The following CPVL variants were observed in gnomAD, a reference collection of about 807,000 sequenced individuals.
CPVL encodes the protein carboxypeptidase vitellogenic like.
In CPVL, 51 loss-of-function variants were observed where a neutral mutation model predicts 63.7. That is an observed-to-expected ratio of 0.80 (90% CI 0.64 to 1.01). CPVL has a LOEUF of 1.01. Among genes scored for constraint, CPVL ranks in the 50% least tolerant of loss-of-function variants. The pLI is 0.00. For synonymous variants in CPVL, 195 were observed against 206.0 expected (o/e 0.95, Z 0.46); for missense variants, 530 against 573.1 (o/e 0.92, Z 0.77).
intron 2 of CPVL, among the ~76,000 whole-genome samples, chr7:29,118,975 T>C (rs1054467789): frequency 1.3e-5 from 2 of 152,154 alleles, no homozygotes; most frequent in Non-Finnish European, 2.9e-5. Flanking sequence ...TCCCCACTCA[T>C]CATTTCCATC....
intron 2 of CPVL, among the ~76,000 whole-genome samples, chr7:29,117,668 T>G (rs1788908417): frequency 6.6e-6 from 1 of 152,186 alleles, no homozygotes; most frequent in Admixed American, 6.5e-5. Context: ...TTTATGGCCC[T>G]AGGCAAGATA....
chr7:29,113,941 A>C (rs1025310144), intron 2 of CPVL, among the ~76,000 whole-genome samples: 3 of 152,176 alleles, frequency 2.0e-5, no homozygotes, highest in African/African-American at 7.2e-5. Flanking sequence ...CACTCAAGAA[A>C]AGCGATGTAA....
chr7:29,107,388 A>AT (rs1787821748), intron 3 of CPVL, among the ~76,000 whole-genome samples: 1 of 152,300 alleles, frequency 6.6e-6, no homozygotes, highest in East Asian at 1.9e-4. Context: ...GTTACTGGAT[A>AT]TTTTTATACT....
At chr7:29,082,701 T>C (rs1784852693) in intron 7 of CPVL, among the ~76,000 whole-genome samples, 1 of 152,208 alleles carries the variant, frequency 6.6e-6, no homozygotes, top group Admixed American at 6.5e-5. Context: ...GTATTCATCC[T>C]GGCAGCAAGG....
intron 1 of CPVL, among the ~76,000 whole-genome samples, chr7:29,133,208 CA>C (rs946939955): frequency 3.4e-5 from 5 of 144,960 alleles, no homozygotes; most frequent in African/African-American, 1.3e-4. Context: ...AAAAAAAAAA[CA>C]AAAAACGCTG....
intron 6 of CPVL, among the ~76,000 whole-genome samples, chr7:29,087,602 A>G (rs1018514549): frequency 6.6e-6 from 1 of 152,160 alleles, no homozygotes; most frequent in Admixed American, 6.5e-5. Context: ...CAGTAGCTCT[A>G]TGAGTGTTTT....
chr7:29,067,054 T>A (rs1584155040), intron 9 of CPVL, among the ~76,000 whole-genome samples: 1 of 152,070 alleles, frequency 6.6e-6, no homozygotes, highest in South Asian at 2.1e-4. Context: ...GGTAGTGAGG[T>A]TGCAGGGCTG....
intron 5 of CPVL, among the ~76,000 whole-genome samples, chr7:29,154,413 G>A (rs1794052566): frequency 1.3e-5 from 2 of 152,128 alleles, no homozygotes; most frequent in South Asian, 4.2e-4. Context: ...GTAGATTTTG[G>A]ATGTTCCTGC....
intron 1 of CPVL, among the ~76,000 whole-genome samples, chr7:29,141,277 C>A (rs1361374652): frequency 1.3e-5 from 2 of 152,226 alleles, no homozygotes; most frequent in Non-Finnish European, 2.9e-5. Context: ...TCAGACCGGG[C>A]ACGGTGGCTG....
At chr7:29,161,472 C>G (rs1484796675) in intron 5 of CPVL, among the ~76,000 whole-genome samples, 1 of 152,134 alleles carries the variant, frequency 6.6e-6, no homozygotes, top group Admixed American at 6.5e-5. Context: ...ATCTCGAACC[C>G]CACATTTTTG....
chr7:29,131,115 G>A (rs1017373216), intron 1 of CPVL, among the ~76,000 whole-genome samples: 2 of 152,032 alleles, frequency 1.3e-5, no homozygotes, highest in African/African-American at 4.8e-5. Context: ...AGCTTGCAGT[G>A]AGCCGAGATC....
At chr7:29,088,743 G>C (rs955646859) in intron 6 of CPVL, among the ~76,000 whole-genome samples, 1 of 152,134 alleles carries the variant, frequency 6.6e-6, no homozygotes, top group Non-Finnish European at 1.5e-5. Flanking sequence ...GTGGGAGGCC[G>C]AGGCGGGCAG....
At chr7:29,072,225 G>A in intron 8 of CPVL, 76 bp downstream of exon 8, 1 of 1,523,770 alleles carries the variant, frequency 6.6e-7, no homozygotes, top group Non-Finnish European at 9.0e-7. Flanking sequence ...AGACCTCTAA[G>A]AGGAGCCTTC....
At chr7:29,004,784 G>T (rs761170033) in intron 12 of CPVL, among the ~76,000 whole-genome samples, 2 of 152,174 alleles carry the variant, frequency 1.3e-5, no homozygotes, top group East Asian at 3.8e-4. Flanking sequence ...AAAGGGTCAG[G>T]CAATCTGGAA....
upstream of CPVL, chr7:29,147,193 G>A (rs1264087804): frequency 1.8e-6 from 1 of 558,114 alleles, no homozygotes; most frequent in Non-Finnish European, 3.1e-6. Context: ...ACGGGAGCAA[G>A]AACTAAAAAA....
At chr7:29,026,386 C>T (rs1049458500) in intron 12 of CPVL, among the ~76,000 whole-genome samples, 1 of 151,936 alleles carries the variant, frequency 6.6e-6, no homozygotes, top group Admixed American at 6.5e-5. Flanking sequence ...TTTAAATATA[C>T]AACCTAAAGA....
intron 11 of CPVL, among the ~76,000 whole-genome samples, chr7:29,062,343 G>A (rs1019621270): frequency 2.6e-5 from 4 of 152,060 alleles, no homozygotes; most frequent in African/African-American, 9.7e-5. Flanking sequence ...GCCTTCTGGA[G>A]GTCCTCTGAG....
intron 9 of CPVL, among the ~76,000 whole-genome samples, chr7:29,066,544 A>G (rs1349706018): frequency 6.6e-6 from 1 of 152,220 alleles, no homozygotes; most frequent in Admixed American, 6.5e-5. Flanking sequence ...GAGTAAAGAC[A>G]TATTGGATGA....
chr7:29,040,725 A>T (rs1051618442), intron 11 of CPVL, among the ~76,000 whole-genome samples: 7 of 152,194 alleles, frequency 4.6e-5, no homozygotes, highest in African/African-American at 1.7e-4. Flanking sequence ...AAGATGAATA[A>T]AGAAGAATGG....
Sources: gnomAD v4.1 joint callset for allele counts (sites outside exome capture counted in the v4.1 genomes callset) on GRCh38, gnomAD v4.1.1 for gene constraint, MANE v1.5 for transcripts, NCBI Gene and HGNC (gene_info 2026-07-23, HGNC 2026-07-21) for gene names.